Variants in CACNB4 observed in about 807,000 individuals in gnomAD.
CACNB4 encodes the protein voltage-dependent L-type calcium channel subunit beta-4.
CACNB4 carries 32 observed loss-of-function variants against 71.2 expected under a neutral mutation model. That is an observed-to-expected ratio of 0.45 (90% CI 0.34 to 0.60). CACNB4 has a LOEUF of 0.60. Ranked by LOEUF, CACNB4 falls within the 20% of genes least tolerant of loss-of-function variation. The pLI, the probability that CACNB4 is intolerant of heterozygous loss-of-function variation, is 0.01. For synonymous variants in CACNB4, 231 were observed against 236.9 expected (o/e 0.97, Z 0.23); for missense variants, 464 against 647.9 (o/e 0.72, Z 3.08).
At chr2:151,962,092 C>T (rs1033347932) in intron 2 of CACNB4, among the ~76,000 whole-genome samples, 1 of 152,130 alleles carries the variant, frequency 6.6e-6, no homozygotes, top group East Asian at 1.9e-4. Context: ...GGCCAAAAGG[C>T]ACCCTAGCAG....
rs62175077 is a variant in CACNB4 at position 152,044,498 on chromosome 2, G to A, written c.147+53832C>T. ...CTCCCAAAGTGCTGGGATTACAGGCGTGAGCCACCGCACCCGGCCTTAAAG... is the reference window on the plus strand; with the variant it reads ...CTCCCAAAGTGCTGGGATTACAGGCATGAGCCACCGCACCCGGCCTTAAAG... On this transcript the variant is annotated intron_variant, in intron 2 of 13. Transcript: ENST00000539935. 2.6e-5 allele frequency among the ~76,000 whole-genome samples: 4 copies of A among 152,132 alleles called. No homozygotes were observed. The East Asian group carries it at 5.8e-4, about 22-fold the overall frequency.
chr2:152,028,131 G>A (rs1684079338), intron 2 of CACNB4, among the ~76,000 whole-genome samples: 1 of 152,108 alleles, frequency 6.6e-6, no homozygotes. Flanking sequence ...GATGAGGGAA[G>A]AGCAAAGAGG....
intron 2 of CACNB4, among the ~76,000 whole-genome samples, chr2:151,956,147 G>A (rs1009161692): frequency 5.3e-5 from 8 of 152,276 alleles, no homozygotes; most frequent in Middle Eastern, 3.4e-3. Context: ...TTGTATCTTC[G>A]ATATACTTGT....
chr2:151,889,465 CAAAAAAA>C lies in CACNB4; in HGVS notation c.148-6102_148-6096del, dbSNP rs55990443. 5.3e-5 allele frequency among the ~76,000 whole-genome samples: 5 copies of C among 94,750 alleles called. No individual in the cohort carries two copies. In the South Asian group the frequency reaches 1.3e-3, roughly 25 times the overall value. 62.2% of individuals were successfully genotyped at this position (94,750 alleles called of 152,430 possible). A position where few individuals can be genotyped will look rare whatever the true frequency, so the allele number is the denominator to read the frequency against. ...TGGGCAACAGAGTGAGACTCTGTCT[CAAAAAAA>C]AAAAAAAAAAAAAAGTTGCATTAAG... On this transcript the variant is annotated intron_variant, in intron 2 of 13. Transcript: ENST00000539935.
intron 2 of CACNB4, among the ~76,000 whole-genome samples, chr2:152,006,489 G>A (rs1044688993): frequency 7.4e-5 from 11 of 147,692 alleles, no homozygotes; most frequent in Admixed American, 2.1e-4. Context: ...TGAAACCTCC[G>A]CCTCCTGGGT....
rs200662010 is a variant in CACNB4, at chr2:152,098,968, G to C, written c.44C>G (p.Pro15Arg). Residue 15 changes from proline to arginine, a missense_variant, in exon 1 of 14, where the codon CCG (proline) becomes CGG (arginine). By Grantham distance (103) the Pro-to-Arg change is moderately radical. Transcript: ENST00000539935. The surrounding 1 kb of genome is among the most constrained non-coding windows in gnomAD (Gnocchi z 5.3). ...CGGTACCTGCGAGGTGGGGGAGTGC[G>C]GCCCGTCCGCGGTCCCGTTCTTGGC... ...SYAKNGTADG[P>R]HSPTSQVARG... is the part of the protein sequence containing the mutation. 4,750 of 1,529,042 alleles carry C rather than the reference G, an allele frequency of 3.1e-3. 9 individuals are homozygous for C. Among genetic ancestry groups the C allele is most frequent in the Non-Finnish European group, 3.9e-3 (4,480 of 1,140,428 alleles). 94.7% of individuals were successfully genotyped at this position (1,529,042 alleles called of 1,614,324 possible). A position where few individuals can be genotyped will look rare whatever the true frequency, so the allele number is the denominator to read the frequency against.
chr2:151,862,962 A>C (rs1360556634), intron 9 of CACNB4, among the ~76,000 whole-genome samples: 1 of 152,082 alleles, frequency 6.6e-6, no homozygotes, highest in Non-Finnish European at 1.5e-5. Flanking sequence ...GAGTAAACCC[A>C]CACCTGACTT....
intron 10 of CACNB4, chr2:151,859,394 T>C (rs924468778): frequency 1.3e-5 from 2 of 152,124 alleles, no homozygotes; most frequent in African/African-American, 4.8e-5. Context: ...CACCATACAT[T>C]AGAAGGAGTA....
intron 9 of CACNB4, chr2:151,866,961 C>T (rs987192269): frequency 2.0e-5 from 3 of 152,178 alleles, no homozygotes; most frequent in Non-Finnish European, 4.4e-5. Flanking sequence ...CTACTTGATT[C>T]GAGACAAATC....
chr2:152,075,773 A>T (rs10930913), intron 2 of CACNB4, among the ~76,000 whole-genome samples: 87,843 of 151,920 alleles, frequency 0.58, 26,742 homozygotes, highest in East Asian at 0.85. Flanking sequence ...AAAGATCTCA[A>T]CTACAGGAAC....
At chr2:151,984,204 T>C (rs961051666) in intron 2 of CACNB4, among the ~76,000 whole-genome samples, 1 of 152,134 alleles carries the variant, frequency 6.6e-6, no homozygotes, top group African/African-American at 2.4e-5. Context: ...GCTTTGGAAA[T>C]GTTGACATGC....
intron 13 of CACNB4, among the ~76,000 whole-genome samples, chr2:151,839,764 C>G (rs188719859): frequency 2.6e-5 from 4 of 152,224 alleles, no homozygotes; most frequent in Non-Finnish European, 2.9e-5. Context: ...TTTATTATTT[C>G]TCTCTTGAAT....
intron 2 of CACNB4, among the ~76,000 whole-genome samples, chr2:152,081,578 A>G (rs908304670): frequency 6.6e-6 from 1 of 152,062 alleles, no homozygotes; most frequent in Admixed American, 6.6e-5. Context: ...CTCTAGCTAT[A>G]TTCTCACATT....
In CACNB4 at chr2:152,017,446, G is replaced by A. The variant is rs559854084; in HGVS notation, c.147+80884C>T. ...AGATGGGCCGGGCGCGGTGGCTCAC[G>A]CCTGTAATCCCAGCATTTTGGGAGG... On this transcript the variant is annotated intron_variant, in intron 2 of 13. Coordinates refer to ENST00000539935, the MANE Select transcript of CACNB4 (RefSeq NM_000726.5). Among the ~76,000 whole-genome samples, 95 of 151,414 alleles carry A rather than the reference G, an allele frequency of 6.3e-4. 1 individual carries two copies. Among genetic ancestry groups the A allele is most frequent in the African/African-American group, 2.3e-3 (92 of 40,708 alleles).
rs543761183 is a variant in CACNB4 at position 152,066,082 on chromosome 2, T to C, written c.147+32248A>G. ...AAGCCTATACAGGAAGCCCTTCAAG[T>C]ACTTCGCAACCTCTCAGCCCCACAT... On this transcript the variant is annotated intron_variant, in intron 2 of 13. Transcript: ENST00000539935. 3.3e-5 allele frequency among the ~76,000 whole-genome samples: 5 copies of C among 152,312 alleles called. No homozygotes were observed. In the East Asian group the frequency reaches 9.6e-4, roughly 29 times the overall value.
At chr2:152,080,526 A>G (rs1226556307) in intron 2 of CACNB4, among the ~76,000 whole-genome samples, 1 of 152,110 alleles carries the variant, frequency 6.6e-6, no homozygotes, top group East Asian at 1.9e-4. Flanking sequence ...GTTTACTTTT[A>G]CCCTTGGACA....
rs146677311 is a variant in CACNB4 at position 151,887,988 on chromosome 2, T to C, written c.148-4618A>G. On this transcript the variant is annotated intron_variant, in intron 2 of 13. Coordinates refer to ENST00000539935, the MANE Select transcript of CACNB4 (RefSeq NM_000726.5). Reference sequence around the variant, plus strand: ...GCTTTATTGAGGTATAACTTACATATGTAAAATTCACACATTTTAAGTGAC... The same window carrying C: ...GCTTTATTGAGGTATAACTTACATACGTAAAATTCACACATTTTAAGTGAC... 2.6e-5 allele frequency among the ~76,000 whole-genome samples: 4 copies of C among 151,948 alleles called. No homozygotes were observed. The East Asian group carries it at 5.8e-4, about 22-fold the overall frequency.
At chr2:152,035,651 C>CTCTCTCTCTCTCTCTCTCTATATATA (rs796161186) in intron 2 of CACNB4, among the ~76,000 whole-genome samples, 7 of 118,076 alleles carry the variant, frequency 5.9e-5, no homozygotes, top group African/African-American at 2.5e-4. Flanking sequence ...CTCTCTCTCT[C>CTCTCTCTCTCTCTCTCTCTATATATA]TATATATATA....
At position 152,000,981 on chromosome 2, in the gene CACNB4, G is replaced by T. The variant is rs376747845; in HGVS notation, c.147+97349C>A. Reference sequence around the variant, plus strand: ...AGATTCTTCCTGAAGCATAACAATAGGTATGGCTTTTATCATGCCTACTGC... The same window carrying T: ...AGATTCTTCCTGAAGCATAACAATATGTATGGCTTTTATCATGCCTACTGC... On this transcript the variant is annotated intron_variant, in intron 2 of 13. Coordinates refer to ENST00000539935, the MANE Select transcript of CACNB4 (RefSeq NM_000726.5). Among the ~76,000 whole-genome samples, 13 of 152,230 alleles carry T rather than the reference G, an allele frequency of 8.5e-5. No homozygotes were observed. In the East Asian group the frequency reaches 1.2e-3, roughly 14 times the overall value.
Sources: allele counts gnomAD v4.1 joint callset (sites outside exome capture counted in the v4.1 genomes callset), GRCh38; gene constraint gnomAD v4.1.1; non-coding constraint Gnocchi (gnomAD v3.1); transcripts MANE v1.5; gene names NCBI Gene and HGNC (gene_info 2026-07-23, HGNC 2026-07-21).